The following HECTD4 variants were observed in gnomAD, a reference collection of about 807,000 sequenced individuals.
HECTD4 encodes the protein probable E3 ubiquitin-protein ligase HECTD4.
HECTD4 carries 114 observed loss-of-function variants against 471.5 expected under a neutral mutation model. The ratio of observed to expected loss-of-function variants is 0.24; its 90% CI spans 0.21 to 0.28. HECTD4 has a LOEUF of 0.28. Ranked by LOEUF, HECTD4 falls within the 10% of genes least tolerant of loss-of-function variation. The pLI is 1.00. For synonymous variants in HECTD4, 2,012 were observed against 2,256.0 expected (o/e 0.89, Z 3.07); for missense variants, 3,866 against 5,651.5 (o/e 0.68, Z 10.13).
intron 7 of HECTD4, among the ~76,000 whole-genome samples, chr12:112,288,183 C>T (rs2034797564): frequency 6.6e-6 from 1 of 151,708 alleles, no homozygotes; most frequent in Admixed American, 6.6e-5. Flanking sequence ...ACAAAATTAG[C>T]TAGGTGTGGT....
intron 38 of HECTD4, 97 bp downstream of exon 38, chr12:112,232,907 G>A (rs2033416752): frequency 1.8e-6 from 2 of 1,096,660 alleles, no homozygotes; most frequent in East Asian, 2.6e-5. Context: ...GTTGGAACTT[G>A]AACTAATTTT....
chr12:112,194,811 G>T lies in HECTD4; in HGVS notation c.8749+74C>A. The T allele has an allele frequency of 7.3e-7, 1 of 1,362,054 alleles. No homozygotes were observed. Among genetic ancestry groups the T allele is most frequent in the Non-Finnish European group, 1.0e-6 (1 of 983,828 alleles). 84.4% of individuals were successfully genotyped at this position (1,362,054 alleles called of 1,614,324 possible). A position where few individuals can be genotyped will look rare whatever the true frequency, so the allele number is the denominator to read the frequency against. On this transcript the variant is annotated intron_variant, in intron 56 of 75. Transcript: ENST00000682272. The surrounding 1 kb of genome is among the most constrained non-coding windows in gnomAD (Gnocchi z 4.6). ...ATGAGGCATTTCTCGCCCTCATGCA[G>T]GGAATGACTACACTGTGCACAGCGC...
chr12:112,201,225 C>A, intron 54 of HECTD4: 2 of 363,814 alleles, frequency 5.5e-6, no homozygotes, highest in South Asian at 4.1e-5. Context: ...TCCCAAGTAG[C>A]TGGGACTAGG....
chr12:112,274,778 C>A, intron 10 of HECTD4, 69 bp downstream of exon 10: 3 of 927,128 alleles, frequency 3.2e-6, no homozygotes, highest in South Asian at 1.4e-5. Context: ...AGGGAACTGG[C>A]AAGACAGTTC....
chr12:112,376,364 A>G (rs1047965504), intron 1 of HECTD4, among the ~76,000 whole-genome samples: 6 of 151,840 alleles, frequency 4.0e-5, no homozygotes, highest in Non-Finnish European at 8.8e-5. Context: ...CTCCTGCCTC[A>G]GCCTCCCGAG....
intron 60 of HECTD4, among the ~76,000 whole-genome samples, chr12:112,185,742 T>C (rs951796546): frequency 6.6e-6 from 1 of 152,252 alleles, no homozygotes; most frequent in African/African-American, 2.4e-5. Context: ...GCTTTGACCC[T>C]TGTGCCCAAT....
intron 51 of HECTD4, among the ~76,000 whole-genome samples, chr12:112,208,253 G>C (rs774140476): frequency 6.6e-6 from 1 of 152,206 alleles, no homozygotes; most frequent in Non-Finnish European, 1.5e-5. Flanking sequence ...CTATTGCAAA[G>C]CACTTCACTT....
intron 55 of HECTD4, among the ~76,000 whole-genome samples, chr12:112,199,222 G>T (rs1299623081): frequency 6.6e-6 from 1 of 152,196 alleles, no homozygotes; most frequent in Non-Finnish European, 1.5e-5. Flanking sequence ...CCCTGTTGAA[G>T]AAACATTTGT....
At chr12:112,280,532 C>T (rs1222968594) in intron 8 of HECTD4, among the ~76,000 whole-genome samples, 1 of 151,312 alleles carries the variant, frequency 6.6e-6, no homozygotes, top group East Asian at 1.9e-4. Context: ...GAAACCTAAT[C>T]TATCTGATAT....
chr12:112,249,875 ACC>A, intron 25 of HECTD4: 1 of 464,212 alleles, frequency 2.2e-6, no homozygotes, highest in South Asian at 2.3e-5. Context: ...CCATCCTCAG[ACC>A]TTCTGATTCA....
intron 71 of HECTD4, 34 bp downstream of exon 71, chr12:112,167,780 G>A (rs150819196): frequency 1.4e-5 from 22 of 1,560,120 alleles, no homozygotes; most frequent in Non-Finnish European, 1.9e-5. Context: ...ACATGAGCTC[G>A]GGGGCGTGGA....
At chr12:112,307,787 C>T (rs905930546) in intron 6 of HECTD4, among the ~76,000 whole-genome samples, 7 of 152,188 alleles carry the variant, frequency 4.6e-5, no homozygotes, top group African/African-American at 1.4e-4. Flanking sequence ...ACTCCACAGA[C>T]GCCAACTCTA....
At chr12:112,329,229 T>C (rs529639946) in intron 1 of HECTD4, among the ~76,000 whole-genome samples, 3 of 152,314 alleles carry the variant, frequency 2.0e-5, no homozygotes, top group Non-Finnish European at 4.4e-5. Flanking sequence ...TTCCTCTCTT[T>C]CTCTTCCCCT....
At chr12:112,349,494 T>A (rs2036215403) in intron 1 of HECTD4, among the ~76,000 whole-genome samples, 1 of 151,934 alleles carries the variant, frequency 6.6e-6, no homozygotes, top group African/African-American at 2.4e-5. Flanking sequence ...TTTTGTTGCA[T>A]GTTATTTCCT....
At chr12:112,298,848 C>CTCCA (rs1365635156) in intron 7 of HECTD4, among the ~76,000 whole-genome samples, 35 of 150,788 alleles carry the variant, frequency 2.3e-4, no homozygotes, top group African/African-American at 8.3e-4. Flanking sequence ...CACCACTGCA[C>CTCCA]TCCAGCCTGG....
At position 112,175,797 on chromosome 12, in the gene HECTD4, G is replaced by T. The variant is rs774855953; in HGVS notation, c.11533C>A (p.Gln3845Lys). 13 of 1,613,476 alleles carry T rather than the reference G, an allele frequency of 8.1e-6. No individual in the cohort carries two copies. Among genetic ancestry groups the T allele is most frequent in the Non-Finnish European group, 1.1e-5 (13 of 1,179,670 alleles). Residue 3845 changes from glutamine to lysine, a missense_variant, in exon 66 of 76, where the codon CAA becomes AAA. Around this residue, in one of 16 missense-constraint regions of HECTD4, gnomAD observed 715 missense variants for 1,087.6 expected, o/e 0.66. Coordinates refer to ENST00000682272, the MANE Select transcript of HECTD4 (RefSeq NM_001388303.1). Reference protein sequence around the residue: ...FHKFVIDRARQDIRSVWRAIL... With the variant: ...FHKFVIDRARKDIRSVWRAIL... ...GCCCTCCAGACGCTACGGATATCTT[G>T]CCTGGCTCGGTCAATAACAAATTTG...
intron 52 of HECTD4, among the ~76,000 whole-genome samples, chr12:112,207,070 T>C (rs1007723491): frequency 3.3e-4 from 50 of 152,024 alleles, no homozygotes; most frequent in Non-Finnish European, 4.3e-4. Context: ...AAAGGAACAG[T>C]GGGTATGAGA....
chr12:112,315,127 A>T (rs2035452731), intron 2 of HECTD4, among the ~76,000 whole-genome samples: 1 of 152,162 alleles, frequency 6.6e-6, no homozygotes, highest in Non-Finnish European at 1.5e-5. Context: ...GGTTTCCAAG[A>T]CTCAAGGCTC....
At chr12:112,164,397 G>T in intron 72 of HECTD4, 122 bp from the exon 73 acceptor site, 2 of 1,008,350 alleles carry the variant, frequency 2.0e-6, no homozygotes, top group Non-Finnish European at 2.9e-6. Context: ...GTGTAGATGA[G>T]CATGTGACAC....
Sources: gnomAD v4.1 joint callset for allele counts (sites outside exome capture counted in the v4.1 genomes callset) on GRCh38, gnomAD v4.1.1 for gene constraint, gnomAD v4.1.1 regional missense constraint, Gnocchi (gnomAD v3.1) non-coding constraint, MANE v1.5 for transcripts, NCBI Gene and HGNC (gene_info 2026-07-23, HGNC 2026-07-21) for gene names.